The following ALG8 variants were observed in gnomAD, a reference collection of about 807,000 sequenced individuals.
ALG8 encodes dolichyl pyrophosphate Glc1Man9GlcNAc2 alpha-1,3-glucosyltransferase.
A neutral mutation model predicts 70.2 loss-of-function variants in ALG8; 48 were observed. The observed-to-expected ratio is 0.68, with a 90% CI of 0.54 to 0.87. The LOEUF is 0.87. ALG8 is among the 40% of genes least tolerant of loss of function. The pLI is 0.00. For synonymous variants in ALG8, 234 were observed against 229.0 expected (o/e 1.02, Z -0.20); for missense variants, 572 against 608.7 (o/e 0.94, Z 0.64).
At chr11:78,107,507 C>T (rs903281553) in intron 9 of ALG8, among the ~76,000 whole-genome samples, 1 of 148,902 alleles carries the variant, frequency 6.7e-6, no homozygotes, top group Non-Finnish European at 1.5e-5. Context: ...GTTTGAGCCA[C>T]CGCACCTAGC....
At chr11:78,131,957 C>A (rs1861327331) in intron 1 of ALG8, among the ~76,000 whole-genome samples, 1 of 152,194 alleles carries the variant, frequency 6.6e-6, no homozygotes. Flanking sequence ...TGGATAAAAT[C>A]TAAAGTACTC....
chr11:78,111,966 AT>A (rs1860309036), intron 8 of ALG8, among the ~76,000 whole-genome samples: 1 of 151,978 alleles, frequency 6.6e-6, no homozygotes. Context: ...TCTTTCTTGT[AT>A]GTTTAGGTTT....
At chr11:78,113,829 T>C in intron 7 of ALG8, 57 bp downstream of exon 7, 4 of 1,360,532 alleles carry the variant, frequency 2.9e-6, no homozygotes, top group Non-Finnish European at 4.0e-6. Context: ...TTATTAGGTT[T>C]TCTAAACACC....
intron 6 of ALG8, 78 bp downstream of exon 6, chr11:78,114,188 T>G: frequency 6.3e-7 from 1 of 1,588,466 alleles, no homozygotes; most frequent in East Asian, 2.3e-5. Context: ...TCATAAAACC[T>G]TCTTATCAAG....
At chr11:78,135,382 C>T (rs1861497862) in intron 1 of ALG8, 1 of 151,546 alleles carries the variant, frequency 6.6e-6, no homozygotes, top group African/African-American at 2.4e-5. Flanking sequence ...AACTACTCAA[C>T]TGGCTGCAGA....
intron 1 of ALG8, among the ~76,000 whole-genome samples, chr11:78,132,525 G>A (rs1226935912): frequency 6.6e-6 from 1 of 152,062 alleles, no homozygotes; most frequent in Non-Finnish European, 1.5e-5. Flanking sequence ...GCATGATTTG[G>A]TGCCTATCTT....
chr11:78,129,141 C>T (rs1861199121), intron 1 of ALG8, among the ~76,000 whole-genome samples: 1 of 151,890 alleles, frequency 6.6e-6, no homozygotes, highest in African/African-American at 2.4e-5. Flanking sequence ...CAAAGTGGGG[C>T]CGGGCGCGGT....
At chr11:78,121,007 C>T in intron 4 of ALG8, 58 bp downstream of exon 4, 1 of 1,408,182 alleles carries the variant, frequency 7.1e-7, no homozygotes, top group East Asian at 2.3e-5. Context: ...AAACATTAAT[C>T]TTGTATTAGT....
chr11:78,131,960 A>C (rs1861327780), intron 1 of ALG8, among the ~76,000 whole-genome samples: 1 of 152,204 alleles, frequency 6.6e-6, no homozygotes, highest in African/African-American at 2.4e-5. Context: ...ATAAAATCTA[A>C]AGTACTCAAC....
intron 8 of ALG8, among the ~76,000 whole-genome samples, chr11:78,112,200 C>T (rs1050086047): frequency 2.0e-5 from 3 of 152,040 alleles, no homozygotes; most frequent in Non-Finnish European, 2.9e-5. Flanking sequence ...CTGTTTGAGC[C>T]CAGGAATTTA....
intron 7 of ALG8, 152 bp downstream of exon 7, chr11:78,113,734 A>AT (rs763609042): frequency 2.4e-5 from 15 of 618,748 alleles, no homozygotes; most frequent in Non-Finnish European, 3.3e-5. Context: ...AAAAAAAAAA[A>AT]GGAATACTGC....
In ALG8 at chr11:78,111,148, A is replaced by C. The variant is rs551590021; in HGVS notation, c.898+1502T>G. 8.5e-5 allele frequency among the ~76,000 whole-genome samples: 13 copies of C among 152,320 alleles called. No homozygotes were observed. In the South Asian group the frequency reaches 2.1e-3, roughly 24 times the overall value. ...TCTCCTCCAAGTACTTATCAAAAACAGTAATAGTGGCCACCATGCATGGAG... is the reference window on the plus strand; with the variant it reads ...TCTCCTCCAAGTACTTATCAAAAACCGTAATAGTGGCCACCATGCATGGAG... On this transcript the variant is annotated intron_variant, in intron 8 of 12. Transcript: ENST00000299626.
At chr11:78,104,683 G>T (rs1424753157) in intron 10 of ALG8, 3 of 451,798 alleles carry the variant, frequency 6.6e-6, no homozygotes, top group Non-Finnish European at 1.2e-5. Flanking sequence ...CTTGCTTCTG[G>T]CCGGGGACAG....
intron 8 of ALG8, among the ~76,000 whole-genome samples, chr11:78,110,357 A>G (rs1008992861): frequency 9.2e-5 from 14 of 152,160 alleles, no homozygotes; most frequent in African/African-American, 2.9e-4. Context: ...ATGCCCGGCT[A>G]ATTTTTGTAT....
chr11:78,139,110 T>A, intron 1 of ALG8: 1 of 358,746 alleles, frequency 2.8e-6, no homozygotes, highest in South Asian at 2.4e-5. Flanking sequence ...ACCCACCAAC[T>A]TCGAGGGCAA....
At chr11:78,122,986 T>A (rs536285833) in intron 3 of ALG8, among the ~76,000 whole-genome samples, 1 of 151,958 alleles carries the variant, frequency 6.6e-6, no homozygotes, top group South Asian at 2.1e-4. Flanking sequence ...CACTGTTCTG[T>A]CACAATCACA....
At chr11:78,104,965 A>C (rs79136187) in intron 10 of ALG8, among the ~76,000 whole-genome samples, 3 of 146,928 alleles carry the variant, frequency 2.0e-5, no homozygotes, top group African/African-American at 4.9e-5. Flanking sequence ...CTCTGTCTCA[A>C]AAAAAAAAAA....
At chr11:78,125,261 T>C (rs1188932522) in intron 2 of ALG8, among the ~76,000 whole-genome samples, 2 of 151,720 alleles carry the variant, frequency 1.3e-5, no homozygotes, top group Non-Finnish European at 2.9e-5. Context: ...CTCGATCTCC[T>C]GACTTCGTGA....
chr11:78,101,064 A>G lies in ALG8; in HGVS notation c.1481T>C (p.Leu494Pro). The G allele has an allele frequency of 6.2e-7, 1 of 1,614,240 alleles. No homozygotes were observed. The highest frequency in any genetic ancestry group is 8.5e-7 in the Non-Finnish European group (1 of 1,180,032). ...KVKYPFIPLL[L>P]TSVYCAVGIT... is the part of the protein sequence containing the mutation. The stretch of plus-strand genomic sequence containing the variant: ...GCCTACTGCACAATACACTGAGGTT[A>G]GTAACAAAGGGATGAAGGGGTACTT... Residue 494 changes from leucine to proline, a missense_variant, in exon 13 of 13, where the codon CTA becomes CCA. By Grantham distance (98) the Leu-to-Pro change is moderately conservative. Transcript: ENST00000299626.
Sources: allele counts gnomAD v4.1 joint callset (sites outside exome capture counted in the v4.1 genomes callset), GRCh38; gene constraint gnomAD v4.1.1; transcripts MANE v1.5; gene names NCBI Gene and HGNC (gene_info 2026-07-23, HGNC 2026-07-21).